Variants in EPHA3 observed in about 807,000 individuals in gnomAD.
EPHA3 encodes ephrin type-A receptor 3.
In EPHA3, 42 loss-of-function variants were observed where a neutral mutation model predicts 107.1. That is an observed-to-expected ratio of 0.39 (90% CI 0.31 to 0.51). The LOEUF (loss-of-function observed/expected upper bound fraction) is 0.51. Among genes scored for constraint, EPHA3 ranks in the 20% least tolerant of loss-of-function variants. The pLI, the probability that EPHA3 is intolerant of heterozygous loss-of-function variation, is 0.78. For synonymous variants in EPHA3, 461 were observed against 424.8 expected, an observed-to-expected ratio of 1.09 and a Z score of -1.05; for missense variants, 1,183 against 1,211.2, an observed-to-expected ratio of 0.98 and a Z score of 0.35.
At chr3:89,365,396 C>G (rs1280359060) in intron 5 of EPHA3, among the ~76,000 whole-genome samples, 1 of 150,594 alleles carries the variant, frequency 6.6e-6, no homozygotes, top group East Asian at 1.9e-4. Flanking sequence ...GGAGTGGACA[C>G]ACACTTACAT....
intron 3 of EPHA3, among the ~76,000 whole-genome samples, chr3:89,326,645 C>A (rs961273553): frequency 2.1e-4 from 32 of 151,880 alleles, no homozygotes; most frequent in African/African-American, 7.2e-4. Flanking sequence ...CTGTCTCAGC[C>A]TCCTAAAGTG....
intron 3 of EPHA3, among the ~76,000 whole-genome samples, chr3:89,287,362 A>T (rs904899689): frequency 6.6e-6 from 1 of 152,120 alleles, no homozygotes; most frequent in African/African-American, 2.4e-5. Flanking sequence ...TTATAAACCA[A>T]ATCAGTGTCC....
At chr3:89,361,989 T>G (rs1220019333) in intron 5 of EPHA3, among the ~76,000 whole-genome samples, 1 of 151,150 alleles carries the variant, frequency 6.6e-6, no homozygotes, top group Admixed American at 6.6e-5. Context: ...TGAAAATATT[T>G]TCACAACCCC....
rs1419199963 is a variant in EPHA3 at position 89,350,325 on chromosome 3, C to CT, written c.1306+8241dup. Among the ~76,000 whole-genome samples, 666 of 130,974 alleles carry CT rather than the reference C, an allele frequency of 5.1e-3. 13 individuals are homozygous for CT. Among genetic ancestry groups the CT allele is most frequent in the Middle Eastern group, 0.015 (4 of 268 alleles). 85.9% of individuals were successfully genotyped at this position (130,974 alleles called of 152,430 possible). On this transcript the variant is annotated intron_variant, in intron 5 of 16. Transcript: ENST00000336596. ...GAGGCTTTGCTCATTTCTTTTTATTCTTTTTTCTCTAAACTTCCCTTCTCA... is the reference window on the plus strand; with the variant it reads ...GAGGCTTTGCTCATTTCTTTTTATTCTTTTTTTCTCTAAACTTCCCTTCTCA...
chr3:89,262,459 A>G (rs1239075316), intron 3 of EPHA3, among the ~76,000 whole-genome samples: 2 of 152,020 alleles, frequency 1.3e-5, no homozygotes, highest in Admixed American at 1.3e-4. Flanking sequence ...TGTCACTCTC[A>G]TTTTTGTCTC....
At chr3:89,118,416 C>T (rs1185335039) in intron 1 of EPHA3, among the ~76,000 whole-genome samples, 1 of 151,568 alleles carries the variant, frequency 6.6e-6, no homozygotes, top group African/African-American at 2.4e-5. Context: ...AATATTCCCA[C>T]AAGAAAAATA....
intron 5 of EPHA3, among the ~76,000 whole-genome samples, chr3:89,387,982 C>T (rs1366167471): frequency 6.6e-6 from 1 of 151,884 alleles, no homozygotes; most frequent in Non-Finnish European, 1.5e-5. Flanking sequence ...ATCAAAAAAT[C>T]GGGGGAGGAA....
chr3:89,332,168 C>T (rs1707303198), intron 3 of EPHA3, among the ~76,000 whole-genome samples: 1 of 152,122 alleles, frequency 6.6e-6, no homozygotes, highest in South Asian at 2.1e-4. Context: ...GAACGGAAAA[C>T]CCAACTAGTG....
chr3:89,355,934 T>G (rs1191159706), intron 5 of EPHA3, among the ~76,000 whole-genome samples: 2 of 149,732 alleles, frequency 1.3e-5, no homozygotes, highest in African/African-American at 4.9e-5. Context: ...CTGCACCCAT[T>G]AACTCTTCAT....
chr3:89,239,277 G>C (rs1166035157), intron 3 of EPHA3, among the ~76,000 whole-genome samples: 1 of 152,168 alleles, frequency 6.6e-6, no homozygotes, highest in Non-Finnish European at 1.5e-5. Context: ...AGCAATTCAT[G>C]TAAATAAAAT....
At chr3:89,150,977 T>C (rs1045931262) in intron 2 of EPHA3, among the ~76,000 whole-genome samples, 2 of 151,906 alleles carry the variant, frequency 1.3e-5, no homozygotes, top group Non-Finnish European at 2.9e-5. Context: ...AACCTGTCTA[T>C]AAAAAAGAAG....
intron 3 of EPHA3, among the ~76,000 whole-genome samples, chr3:89,253,034 T>C (rs1170148967): frequency 6.6e-6 from 1 of 151,936 alleles, no homozygotes; most frequent in Non-Finnish European, 1.5e-5. Context: ...TGTTTAGTTA[T>C]TCCGAGCAAT....
intron 2 of EPHA3, among the ~76,000 whole-genome samples, chr3:89,202,515 CAAAAAAAAA>C (rs375753577): frequency 6.8e-4 from 79 of 116,876 alleles, no homozygotes; most frequent in South Asian, 1.1e-3. Context: ...GACTCTGTCT[CAAAAAAAAA>C]AAAAAAAAAA....
At chr3:89,326,894 T>TAAAGGGA (rs953735049) in intron 3 of EPHA3, among the ~76,000 whole-genome samples, 14 of 152,254 alleles carry the variant, frequency 9.2e-5, no homozygotes, top group African/African-American at 3.4e-4. Context: ...ACTGATTATT[T>TAAAGGGA]AAAGGGAAAT....
intron 3 of EPHA3, among the ~76,000 whole-genome samples, chr3:89,217,117 G>C (rs1704238645): frequency 6.6e-6 from 1 of 152,032 alleles, no homozygotes; most frequent in Admixed American, 6.6e-5. Flanking sequence ...TAGTTCCAGA[G>C]TAGAACTTAT....
At chr3:89,447,913 G>A (rs1303506753) in intron 13 of EPHA3, among the ~76,000 whole-genome samples, 1 of 152,120 alleles carries the variant, frequency 6.6e-6, no homozygotes, top group Non-Finnish European at 1.5e-5. Flanking sequence ...TTCAAATCCA[G>A]TGGCATGCTA....
At chr3:89,238,045 A>T (rs1445761885) in intron 3 of EPHA3, among the ~76,000 whole-genome samples, 1 of 152,128 alleles carries the variant, frequency 6.6e-6, no homozygotes, top group Admixed American at 6.6e-5. Flanking sequence ...GAAAAGATCA[A>T]TTGGCTCTCA....
At chr3:89,131,990 G>A (rs889131899) in intron 2 of EPHA3, among the ~76,000 whole-genome samples, 2 of 152,132 alleles carry the variant, frequency 1.3e-5, no homozygotes, top group Admixed American at 6.5e-5. Context: ...GATTCATCTT[G>A]GAACTAATCA....
chr3:89,140,935 T>C (rs1383958221), intron 2 of EPHA3, among the ~76,000 whole-genome samples: 1 of 151,684 alleles, frequency 6.6e-6, no homozygotes, highest in African/African-American at 2.4e-5. Context: ...TAAAGGGCTA[T>C]ATACTATTCC....
Sources: allele counts gnomAD v4.1 joint callset (sites outside exome capture counted in the v4.1 genomes callset), GRCh38; gene constraint gnomAD v4.1.1; transcripts MANE v1.5; gene names NCBI Gene and HGNC (gene_info 2026-07-23, HGNC 2026-07-21).